Variants in UNC5D observed in about 807,000 individuals in gnomAD.
UNC5D encodes netrin receptor UNC5D.
In UNC5D, 39 loss-of-function variants were observed where a neutral mutation model predicts 105.4. That is an observed-to-expected ratio of 0.37 (90% CI 0.29 to 0.48). The LOEUF is 0.48. Among genes scored for constraint, UNC5D ranks in the 20% least tolerant of loss-of-function variants. UNC5D has a pLI of 0.98. For missense variants in UNC5D, 991 were observed against 1,202.4 expected (o/e 0.82, Z 2.60); for synonymous variants, 452 against 450.4 (o/e 1.00, Z -0.04).
intron 1 of UNC5D, among the ~76,000 whole-genome samples, chr8:35,419,422 G>C (rs1772214180): frequency 6.6e-6 from 1 of 152,172 alleles, no homozygotes; most frequent in African/African-American, 2.4e-5. Context: ...TCCATGGCTG[G>C]TCCCAGCATG....
chr8:35,544,578 C>G (rs373696613), intron 1 of UNC5D: 32 of 1,414,750 alleles, frequency 2.3e-5, no homozygotes, highest in Non-Finnish European at 2.8e-5. Context: ...ACCAACCACA[C>G]CTATTCTTTC....
chr8:35,773,784 G>A lies in UNC5D; in HGVS notation c.2479-515G>A, dbSNP rs1052796909. ...GTTGCCCAGGCTAGAGTGCAATGGC[G>A]GGATCTCAACTTACTGCAACTTCCA... On this transcript the variant is annotated intron_variant, in intron 15 of 16. Transcript: ENST00000404895. Among the ~76,000 whole-genome samples, 10 of 152,100 alleles carry A rather than the reference G, an allele frequency of 6.6e-5. No homozygotes were observed. In the East Asian group the frequency reaches 1.5e-3, roughly 23 times the overall value.
At chr8:35,507,685 C>T (rs1000283314) in intron 1 of UNC5D, among the ~76,000 whole-genome samples, 9 of 151,890 alleles carry the variant, frequency 5.9e-5, no homozygotes, top group African/African-American at 2.2e-4. Flanking sequence ...GCAAATAAGG[C>T]CTAGTATTTG....
At chr8:35,512,469 T>TATATAA (rs1563488012) in intron 1 of UNC5D, among the ~76,000 whole-genome samples, 3 of 64,678 alleles carry the variant, frequency 4.6e-5, no homozygotes, top group Non-Finnish European at 8.5e-5. Context: ...GTGAGCCATA[T>TATATAA]ATATATATAT....
At chr8:35,447,313 A>T (rs190407526) in intron 1 of UNC5D, among the ~76,000 whole-genome samples, 1 of 152,218 alleles carries the variant, frequency 6.6e-6, no homozygotes, top group Admixed American at 6.6e-5. Context: ...TAAGGCATAT[A>T]GCATTCAGGG....
At chr8:35,265,917 T>G (rs1804838689) in intron 1 of UNC5D, among the ~76,000 whole-genome samples, 1 of 150,796 alleles carries the variant, frequency 6.6e-6, no homozygotes. Flanking sequence ...ATATCTGGGA[T>G]TAGCATCAAA....
At chr8:35,266,888 G>T (rs1242234431) in intron 1 of UNC5D, among the ~76,000 whole-genome samples, 1 of 152,140 alleles carries the variant, frequency 6.6e-6, no homozygotes, top group Non-Finnish European at 1.5e-5. Flanking sequence ...GGAGCCTCTG[G>T]AGAATGCCTA....
chr8:35,626,919 T>C (rs576551468), intron 4 of UNC5D, among the ~76,000 whole-genome samples: 6 of 152,266 alleles, frequency 3.9e-5, no homozygotes, highest in East Asian at 1.9e-4. Context: ...GCTCATGTTA[T>C]TGTCAATGTG....
At chr8:35,415,090 A>G (rs1805446032) in intron 1 of UNC5D, among the ~76,000 whole-genome samples, 1 of 152,174 alleles carries the variant, frequency 6.6e-6, no homozygotes, top group African/African-American at 2.4e-5. Flanking sequence ...ACATAACTAT[A>G]TAAAAACAAA....
chr8:35,794,310 C>T lies in UNC5D; in HGVS notation c.*3747C>T, dbSNP rs1266201239. On this transcript the variant is annotated 3_prime_UTR_variant, in exon 17 of 17. Coordinates refer to ENST00000404895, the MANE Select transcript of UNC5D (RefSeq NM_080872.4). ...CCAGCTCTGTAAAGGTCACAGGAAT[C>T]GTGAAGGAGCTGAGAAATCTTCCTC... 2.0e-5 allele frequency: 3 copies of T among 152,166 alleles called. No homozygotes were observed. Among genetic ancestry groups the T allele is most frequent in the Non-Finnish European group, 4.4e-5 (3 of 68,044 alleles). 9.4% of individuals were successfully genotyped at this position (152,166 alleles called of 1,614,324 possible).
chr8:35,546,762 A>G (rs1441119564), intron 1 of UNC5D, among the ~76,000 whole-genome samples: 1 of 152,184 alleles, frequency 6.6e-6, no homozygotes, highest in East Asian at 1.9e-4. Flanking sequence ...TTAATATGTG[A>G]TTTATTTTAT....
intron 1 of UNC5D, among the ~76,000 whole-genome samples, chr8:35,382,983 G>T (rs1803137967): frequency 6.6e-6 from 1 of 152,220 alleles, no homozygotes; most frequent in South Asian, 2.1e-4. Context: ...AACTTCAGAT[G>T]TTGGATTAAA....
chr8:35,787,149 A>G (rs1256295306), intron 16 of UNC5D, among the ~76,000 whole-genome samples: 1 of 152,190 alleles, frequency 6.6e-6, no homozygotes, highest in Non-Finnish European at 1.5e-5. Context: ...TTACAGAGAA[A>G]GTTTGTCAAC....
intron 4 of UNC5D, among the ~76,000 whole-genome samples, chr8:35,616,175 C>T (rs1586258886): frequency 6.6e-6 from 1 of 152,188 alleles, no homozygotes; most frequent in African/African-American, 2.4e-5. Context: ...GGTCAAGCGG[C>T]TTACTCAAGG....
chr8:35,771,708 CT>C (rs1383202249), intron 15 of UNC5D, among the ~76,000 whole-genome samples: 1 of 152,168 alleles, frequency 6.6e-6, no homozygotes, highest in African/African-American at 2.4e-5. Flanking sequence ...ACTCAAATGC[CT>C]CCTCCATGAA....
chr8:35,487,566 T>TAC (rs3048025), intron 1 of UNC5D, among the ~76,000 whole-genome samples: 17,873 of 112,904 alleles, frequency 0.16, 1,095 homozygotes, highest in African/African-American at 0.25. Context: ...TCTCTCTCTG[T>TAC]ACACACACAC....
intron 1 of UNC5D, among the ~76,000 whole-genome samples, chr8:35,466,359 T>C (rs1230181811): frequency 6.6e-6 from 1 of 152,204 alleles, no homozygotes; most frequent in East Asian, 1.9e-4. Flanking sequence ...CTTTTTTTCT[T>C]ATTAGATACC....
chr8:35,326,937 A>G (rs972394063), intron 1 of UNC5D, among the ~76,000 whole-genome samples: 2 of 152,222 alleles, frequency 1.3e-5, no homozygotes, highest in Non-Finnish European at 2.9e-5. Flanking sequence ...GGAAGGGTCA[A>G]TCCCTGAGGT....
At chr8:35,493,162 A>T (rs1291646450) in intron 1 of UNC5D, among the ~76,000 whole-genome samples, 3 of 151,812 alleles carry the variant, frequency 2.0e-5, no homozygotes, top group Non-Finnish European at 2.9e-5. Flanking sequence ...AGTTCTCAGC[A>T]TGCCTAAGCA....
Sources: allele counts gnomAD v4.1 joint callset (sites outside exome capture counted in the v4.1 genomes callset), GRCh38; gene constraint gnomAD v4.1.1; transcripts MANE v1.5; gene names NCBI Gene and HGNC (gene_info 2026-07-23, HGNC 2026-07-21).